Variants in NALCN observed in about 807,000 individuals in gnomAD.
The protein encoded by NALCN is sodium leak channel, non-selective, also known as sodium leak channel NALCN.
In NALCN, 111 loss-of-function variants were observed where a neutral mutation model predicts 225.3. The observed-to-expected ratio is 0.49, with a 90% CI of 0.42 to 0.58. The LOEUF (loss-of-function observed/expected upper bound fraction) is 0.58, where lower values mean the gene tolerates loss of function less well. Ranked by LOEUF, NALCN falls within the 20% of genes least tolerant of loss-of-function variation. The pLI is 0.00. For missense variants in NALCN, 1,378 were observed against 2,202.4 expected (o/e 0.63, Z 7.49); for synonymous variants, 764 against 769.0 (o/e 0.99, Z 0.11).
At chr13:101,400,582 CACGTGTGT>C (rs1323607553) in intron 1 of NALCN, among the ~76,000 whole-genome samples, 3,276 of 120,476 alleles carry the variant, frequency 0.027, 122 homozygotes, top group African/African-American at 0.084. Context: ...TGTGTGTGTG[CACGTGTGT>C]GCGCGCGCAC....
intron 6 of NALCN, among the ~76,000 whole-genome samples, chr13:101,352,486 G>C (rs2045935160): frequency 6.6e-6 from 1 of 152,182 alleles, no homozygotes; most frequent in Admixed American, 6.5e-5. Flanking sequence ...GAGAGAAAGA[G>C]AGAGACCTTT....
At chr13:101,314,779 A>C (rs1323250283) in intron 7 of NALCN, among the ~76,000 whole-genome samples, 1 of 152,212 alleles carries the variant, frequency 6.6e-6, no homozygotes, top group Non-Finnish European at 1.5e-5. Flanking sequence ...AGTTTCATTA[A>C]AACCCAGCAG....
Position 101,376,916 on chromosome 13 carries a change from C to T in NALCN, c.515+1G>A. The T allele has an allele frequency of 6.2e-7, 1 of 1,614,190 alleles. No homozygotes were observed. Among genetic ancestry groups the T allele is most frequent in the Non-Finnish European group, 8.5e-7 (1 of 1,180,032 alleles). On this transcript the variant is annotated splice_donor_variant, in intron 5 of 43. Transcript: ENST00000251127. LOFTEE classifies it high-confidence loss of function. ...TTAACTTATTGTAAAGCAGCGCTCA[C>T]TTTAAAATATTTGTAATTCTGGTCC...
Position 101,083,076 on chromosome 13 carries a change from G to C in NALCN, c.3690+16C>G. The stretch of plus-strand genomic sequence containing the variant: ...TACAAAATTCATTCCCGGAGTCTTA[G>C]GGTGAAACGAAGTACCTTGACAGAG... On this transcript the variant is annotated intron_variant, in intron 32 of 43. Coordinates refer to ENST00000251127, the MANE Select transcript of NALCN (RefSeq NM_052867.4). 1 of 1,611,180 alleles carries C rather than the reference G, an allele frequency of 6.2e-7. No homozygotes were observed. Among genetic ancestry groups the C allele is most frequent in the Non-Finnish European group, 8.5e-7 (1 of 1,177,456 alleles).
intron 37 of NALCN, among the ~76,000 whole-genome samples, chr13:101,071,785 G>C (rs2032907251): frequency 6.6e-6 from 1 of 152,168 alleles, no homozygotes; most frequent in Non-Finnish European, 1.5e-5. Context: ...TGGTGCAAGG[G>C]ACCTAGCTTT....
intron 17 of NALCN, among the ~76,000 whole-genome samples, chr13:101,138,207 C>T (rs2036899414): frequency 6.6e-6 from 1 of 152,194 alleles, no homozygotes; most frequent in African/African-American, 2.4e-5. Flanking sequence ...TCGCATCTTG[C>T]TCACTGTTGA....
chr13:101,227,162 C>T (rs1309780316), intron 13 of NALCN, among the ~76,000 whole-genome samples: 1 of 152,154 alleles, frequency 6.6e-6, no homozygotes, highest in African/African-American at 2.4e-5. Flanking sequence ...CACCTCGACA[C>T]CTGTCAGCTC....
rs142742988 is a variant in NALCN at position 101,102,157 on chromosome 13, C to A, written c.3057+1015G>T. ...AATTAACTGGGAGTGGTGGCACATG[C>A]GTGTAGTCTCAGCTACTTGGGAGGC... On this transcript the variant is annotated intron_variant, in intron 26 of 43. Coordinates refer to ENST00000251127, the MANE Select transcript of NALCN (RefSeq NM_052867.4). Among the ~76,000 whole-genome samples, 814 of 152,022 alleles carry A rather than the reference C, an allele frequency of 5.4e-3. 11 individuals are homozygous for A. Among genetic ancestry groups the A allele is most frequent in the African/African-American group, 0.019 (777 of 41,462 alleles).
At position 101,399,154 on chromosome 13, in the gene NALCN, C is replaced by A. The variant is rs1224716235; in HGVS notation, c.-28G>T. 4 of 1,611,638 alleles carry A rather than the reference C, an allele frequency of 2.5e-6. No homozygotes were observed. In the Admixed American group the frequency reaches 6.7e-5, roughly 27 times the overall value. ...TGAGGTTAGCTTTGGTGAGCAAGCA[C>A]AAAACCACAGTCTGGGAAAAGGAAA... On this transcript the variant is annotated 5_prime_UTR_variant, in exon 2 of 44. Coordinates refer to ENST00000251127, the MANE Select transcript of NALCN (RefSeq NM_052867.4).
chr13:101,414,186 T>C (rs1350365410), intron 1 of NALCN, among the ~76,000 whole-genome samples: 2 of 152,090 alleles, frequency 1.3e-5, no homozygotes, highest in South Asian at 4.1e-4. Flanking sequence ...TGTGTGGCCT[T>C]GGGGACCATT....
chr13:101,126,998 G>A (rs1367384453), intron 17 of NALCN, among the ~76,000 whole-genome samples: 1 of 152,146 alleles, frequency 6.6e-6, no homozygotes, highest in Non-Finnish European at 1.5e-5. Flanking sequence ...TTTAAGAGAG[G>A]ACTCCAGATT....
At chr13:101,258,145 A>G (rs2042300410) in intron 11 of NALCN, among the ~76,000 whole-genome samples, 2 of 152,146 alleles carry the variant, frequency 1.3e-5, no homozygotes, top group African/African-American at 4.8e-5. Flanking sequence ...ACGCTGAGAA[A>G]GGGAGAGATA....
chr13:101,294,560 CTTT>C (rs10615640), intron 7 of NALCN, among the ~76,000 whole-genome samples: 11,256 of 87,436 alleles, frequency 0.13, 395 homozygotes, highest in African/African-American at 0.19. Context: ...TTTATTGTTT[CTTT>C]TTTTTTTTTT....
intron 17 of NALCN, among the ~76,000 whole-genome samples, chr13:101,140,324 CTT>C (rs2037010663): frequency 6.6e-6 from 1 of 152,130 alleles, no homozygotes; most frequent in African/African-American, 2.4e-5. Context: ...TCTCAAGACT[CTT>C]TTTATCTTTG....
chr13:101,293,831 A>T (rs1281389121), intron 7 of NALCN, among the ~76,000 whole-genome samples: 1 of 152,244 alleles, frequency 6.6e-6, no homozygotes, highest in African/African-American at 2.4e-5. Context: ...GTGTGCTAAT[A>T]TACTTTCTAT....
At chr13:101,336,529 G>C (rs1425096241) in intron 7 of NALCN, among the ~76,000 whole-genome samples, 1 of 152,168 alleles carries the variant, frequency 6.6e-6, no homozygotes, top group Non-Finnish European at 1.5e-5. Context: ...AATTCATGAA[G>C]ATTACAAGTC....
At chr13:101,222,995 C>T (rs538345055) in intron 13 of NALCN, among the ~76,000 whole-genome samples, 15 of 152,266 alleles carry the variant, frequency 9.9e-5, no homozygotes, top group Non-Finnish European at 1.9e-4. Flanking sequence ...TATTTCCCTT[C>T]ATACAACATA....
chr13:101,112,305 T>G (rs1410351887), intron 18 of NALCN, among the ~76,000 whole-genome samples: 1 of 152,212 alleles, frequency 6.6e-6, no homozygotes, highest in Non-Finnish European at 1.5e-5. Context: ...CCACGAAGAC[T>G]TTTAAAAACA....
intron 7 of NALCN, among the ~76,000 whole-genome samples, chr13:101,295,530 C>A (rs2043715629): frequency 6.6e-6 from 1 of 151,980 alleles, no homozygotes; most frequent in Non-Finnish European, 1.5e-5. Flanking sequence ...CATTTGGAGT[C>A]AAGTAAAAAA....
Sources: allele counts gnomAD v4.1 joint callset (sites outside exome capture counted in the v4.1 genomes callset), GRCh38; gene constraint gnomAD v4.1.1; transcripts MANE v1.5; gene names NCBI Gene and HGNC (gene_info 2026-07-23, HGNC 2026-07-21).